The following EXOC5 variants were observed in gnomAD, a reference collection of about 807,000 sequenced individuals.
The protein encoded by EXOC5 is SEC10-like 1.
In EXOC5, 17 loss-of-function variants were observed where a neutral mutation model predicts 90.8. That is an observed-to-expected ratio of 0.19 (90% CI 0.13 to 0.28). EXOC5 has a LOEUF of 0.28. Among genes scored for constraint, EXOC5 ranks in the 10% least tolerant of loss-of-function variants. The pLI is 1.00. For synonymous variants in EXOC5, 260 were observed against 270.0 expected, an observed-to-expected ratio of 0.96 and a Z score of 0.36; for missense variants, 569 against 830.6, an observed-to-expected ratio of 0.69 and a Z score of 3.87.
intron 4 of EXOC5, among the ~76,000 whole-genome samples, chr14:57,242,607 T>G (rs1017024255): frequency 1.3e-5 from 2 of 152,128 alleles, no homozygotes; most frequent in African/African-American, 4.8e-5. Context: ...GAAAAGAATA[T>G]GATGTGTTGA....
At chr14:57,228,507 T>G (rs1169998419) in intron 12 of EXOC5, among the ~76,000 whole-genome samples, 2 of 152,144 alleles carry the variant, frequency 1.3e-5, no homozygotes, top group Non-Finnish European at 2.9e-5. Context: ...ATATATGCCA[T>G]GGAATACTAT....
chr14:57,262,639 T>TATATATAC (rs545036834), intron 1 of EXOC5, among the ~76,000 whole-genome samples: 3 of 147,306 alleles, frequency 2.0e-5, no homozygotes, highest in Non-Finnish European at 4.5e-5. Flanking sequence ...ATACATTAAG[T>TATATATAC]ATATATACAT....
At chr14:57,234,841 A>G (rs1883610362) in intron 7 of EXOC5, among the ~76,000 whole-genome samples, 1 of 152,156 alleles carries the variant, frequency 6.6e-6, no homozygotes, top group African/African-American at 2.4e-5. Context: ...CTAGGATTAC[A>G]GGAGTGAGCC....
Position 57,222,370 on chromosome 14 carries a change from G to A in EXOC5, c.1343C>T (p.Thr448Ile), listed in dbSNP as rs751644874. The A allele has an allele frequency of 7.5e-6, 12 of 1,602,094 alleles. No individual in the cohort carries two copies. Among genetic ancestry groups the A allele is most frequent in the Non-Finnish European group, 1.0e-5 (12 of 1,172,994 alleles). The change falls in exon 13 of 18, where the codon ACC becomes ATC. Residue 448 changes from threonine (T) to isoleucine (I), a missense_variant. Around this residue, in one of 9 missense-constraint regions of EXOC5, gnomAD observed 56 missense variants for 51.1 expected, o/e 1.10. Coordinates refer to ENST00000621441, the MANE Select transcript of EXOC5 (RefSeq NM_006544.4). ...DLPRNAFRIF[T>I]ILVEFLCIEH... ...AATACATAAAAATTCCACAAGAATG[G>A]TAAAAATTCTGAAGGCATTCCTTGG...
At chr14:57,260,065 C>T (rs1884454349) in intron 1 of EXOC5, among the ~76,000 whole-genome samples, 1 of 152,160 alleles carries the variant, frequency 6.6e-6, no homozygotes, top group Non-Finnish European at 1.5e-5. Context: ...AAATATGAGC[C>T]TAATACAATT....
chr14:57,209,743 C>G lies in EXOC5; in HGVS notation c.1762G>C (p.Glu588Gln). Residue 588 changes from glutamate (E) to glutamine (Q), a missense_variant, in exon 17 of 18, where the codon GAG (glutamate) becomes CAG (glutamine). Physicochemically the swap from Glu to Gln is conservative, Grantham distance 29. Around this residue, in one of 9 missense-constraint regions of EXOC5, gnomAD observed 122 missense variants for 180.0 expected, o/e 0.68. Transcript: ENST00000621441. Reference protein sequence around the residue: ...KVCAYVRKQVEKIKNSMDGKN... With the variant: ...KVCAYVRKQVQKIKNSMDGKN... ...CCATCCATGGAATTTTTAATCTTCT[C>G]CACTTGTTTTCTTACGTAAGCACAG... is the stretch of plus-strand genomic sequence containing the variant. The G allele has an allele frequency of 6.2e-7, 1 of 1,612,358 alleles. No homozygotes were observed. The highest frequency in any genetic ancestry group is 8.5e-7 in the Non-Finnish European group (1 of 1,179,108).
intron 1 of EXOC5, among the ~76,000 whole-genome samples, chr14:57,262,506 T>G (rs1566508031): frequency 6.6e-6 from 1 of 151,108 alleles, no homozygotes; most frequent in East Asian, 1.9e-4. Context: ...TTTACCAGGA[T>G]GTCTTGCTAA....
rs146707454 is a variant in EXOC5 at position 57,264,951 on chromosome 14, C to A, written c.27+3671G>T. On this transcript the variant is annotated intron_variant, in intron 1 of 17. Transcript: ENST00000621441. ...TTTCCAAAATATGTACCTTGTAATT[C>A]ACAAAATTAAGTTAACAAGCAGTAG... is the stretch of plus-strand genomic sequence containing the variant. Among the ~76,000 whole-genome samples the A allele has an allele frequency of 7.0e-3, 1,067 of 152,116 alleles. 8 individuals carry two copies. Among genetic ancestry groups the A allele is most frequent in the Non-Finnish European group, 0.011 (738 of 68,012 alleles).
chr14:57,266,544 A>C (rs966641433), intron 1 of EXOC5, among the ~76,000 whole-genome samples: 11 of 152,160 alleles, frequency 7.2e-5, no homozygotes, highest in African/African-American at 2.2e-4. Context: ...AAAAAAAGTC[A>C]CGTCAGTTTT....
intron 13 of EXOC5, among the ~76,000 whole-genome samples, chr14:57,220,498 A>G (rs1470246236): frequency 2.6e-5 from 4 of 152,194 alleles, no homozygotes; most frequent in South Asian, 2.1e-4. Context: ...CAGCAGCGGC[A>G]TAAGTTACTG....
intron 5 of EXOC5, among the ~76,000 whole-genome samples, chr14:57,238,390 A>ACACC (rs1883744707): frequency 6.7e-6 from 1 of 148,546 alleles, no homozygotes; most frequent in Non-Finnish European, 1.5e-5. Flanking sequence ...ACACACACAC[A>ACACC]CACACACACA....
chr14:57,244,937 A>G (rs1304995063), intron 3 of EXOC5, among the ~76,000 whole-genome samples: 1 of 151,482 alleles, frequency 6.6e-6, no homozygotes, highest in Non-Finnish European at 1.5e-5. Context: ...CAGAGGTTGC[A>G]GTGAGCTGAG....
rs368806106 is a variant in EXOC5, at chr14:57,244,322, A to G, written c.308T>C (p.Ile103Thr). ...ACAGACTTTAGTTGCTACATAGCTAATGTGCTCATCTAGTTCTTGGAAATG... is the reference window on the plus strand; with the variant it reads ...ACAGACTTTAGTTGCTACATAGCTAGTGTGCTCATCTAGTTCTTGGAAATG... ...FQHFQELDEH[I>T]SYVATKVCHL... is the part of the protein sequence containing the mutation. The change falls in exon 4 of 18, where the codon ATT becomes ACT. Residue 103 changes from isoleucine (I) to threonine (T), a missense_variant. By Grantham distance (89) the Ile-to-Thr change is moderately conservative. Coordinates refer to ENST00000621441, the MANE Select transcript of EXOC5 (RefSeq NM_006544.4). The G allele has an allele frequency of 5.0e-6, 8 of 1,613,914 alleles. No homozygotes were observed. Among genetic ancestry groups the G allele is most frequent in the Non-Finnish European group, 1.7e-6 (2 of 1,179,838 alleles).
intron 6 of EXOC5, among the ~76,000 whole-genome samples, chr14:57,236,595 A>G (rs1267386253): frequency 2.0e-5 from 3 of 152,014 alleles, no homozygotes; most frequent in African/African-American, 7.2e-5. Flanking sequence ...CCTATTCACT[A>G]TATTCTTGAG....
chr14:57,260,513 A>G (rs772327038), intron 1 of EXOC5, among the ~76,000 whole-genome samples: 67 of 152,300 alleles, frequency 4.4e-4, no homozygotes, highest in Non-Finnish European at 8.5e-4. Context: ...ATCTTACAAA[A>G]TATTTTAGAT....
intron 1 of EXOC5, among the ~76,000 whole-genome samples, chr14:57,263,196 C>G (rs918153306): frequency 5.3e-5 from 8 of 152,164 alleles, no homozygotes; most frequent in African/African-American, 1.9e-4. Flanking sequence ...CAGGCTGGAC[C>G]CAGTGGCTCA....
chr14:57,222,269 CA>C, intron 13 of EXOC5, 38 bp downstream of exon 13: 1 of 1,004,750 alleles, frequency 1.0e-6, no homozygotes, highest in Non-Finnish European at 1.5e-6. Flanking sequence ...CAAGCAGAAT[CA>C]AAAGAATTTA....
rs1484090251 is a variant in EXOC5, at chr14:57,202,566, G to A, written c.*6043C>T. On this transcript the variant is annotated 3_prime_UTR_variant, in exon 18 of 18. Transcript: ENST00000621441. ...TTCAAAAATTTTTCTTTAAAAAGCAGAATGTAGAACACTAATCAGTAGATT... is the reference window on the plus strand; with the variant it reads ...TTCAAAAATTTTTCTTTAAAAAGCAAAATGTAGAACACTAATCAGTAGATT... The A allele has an allele frequency of 6.6e-6, 1 of 152,102 alleles. No homozygotes were observed. The highest frequency in any genetic ancestry group is 2.4e-5 in the African/African-American group (1 of 41,412). The allele number at this position is 152,102 out of a possible 1,614,324, so 9.4% of individuals were successfully genotyped here.
At chr14:57,253,310 T>A (rs910393075) in intron 1 of EXOC5, among the ~76,000 whole-genome samples, 1 of 152,146 alleles carries the variant, frequency 6.6e-6, no homozygotes, top group Non-Finnish European at 1.5e-5. Flanking sequence ...ACAAAGTATT[T>A]AGGAATAAAA....
Sources: allele counts gnomAD v4.1 joint callset (sites outside exome capture counted in the v4.1 genomes callset), GRCh38; gene constraint gnomAD v4.1.1; regional missense constraint gnomAD v4.1.1; transcripts MANE v1.5; gene names NCBI Gene and HGNC (gene_info 2026-07-23, HGNC 2026-07-21).